The following NUP155 variants were observed in gnomAD, a reference collection of about 807,000 sequenced individuals.
NUP155 encodes nuclear pore complex protein Nup155.
NUP155 carries 71 observed loss-of-function variants against 180.4 expected under a neutral mutation model. The observed-to-expected ratio is 0.39, with a 90% CI of 0.33 to 0.48. NUP155 has a LOEUF of 0.48. Among genes scored for constraint, NUP155 ranks in the 20% least tolerant of loss-of-function variants. The pLI is 0.91. For synonymous variants in NUP155, 582 were observed against 559.5 expected, an observed-to-expected ratio of 1.04 and a Z score of -0.57; for missense variants, 1,553 against 1,648.9, an observed-to-expected ratio of 0.94 and a Z score of 1.01.
At chr5:37,367,055 T>A (rs1747636959) in intron 1 of NUP155, among the ~76,000 whole-genome samples, 1 of 151,788 alleles carries the variant, frequency 6.6e-6, no homozygotes, top group Non-Finnish European at 1.5e-5. Context: ...CTCTTTTTTT[T>A]TTTTTCCTGA....
chr5:37,310,798 TAATGA>T, intron 22 of NUP155, 55 bp from the exon 23 acceptor site: 1 of 1,310,196 alleles, frequency 7.6e-7, no homozygotes, highest in Non-Finnish European at 1.1e-6. Flanking sequence ...TTTCTAAACA[TAATGA>T]AATTATTTTA....
chr5:37,308,082 T>A (rs914152181), intron 24 of NUP155, among the ~76,000 whole-genome samples: 1 of 151,944 alleles, frequency 6.6e-6, no homozygotes, highest in African/African-American at 2.4e-5. Flanking sequence ...GTGCAAATAG[T>A]TATGGCCTTT....
intron 13 of NUP155, 135 bp from the exon 14 acceptor site, chr5:37,331,930 G>A: frequency 1.5e-6 from 1 of 663,984 alleles, no homozygotes. Context: ...GGCTGGGTAT[G>A]GTGGCCCACA....
At chr5:37,329,344 T>A in intron 15 of NUP155, 66 bp from the exon 16 acceptor site, 1 of 1,289,804 alleles carries the variant, frequency 7.8e-7, no homozygotes, top group Non-Finnish European at 1.1e-6. Flanking sequence ...AAACTGGAAT[T>A]GTTCCTTTTC....
chr5:37,306,518 AGTTCT>A (rs1282338233), intron 25 of NUP155, among the ~76,000 whole-genome samples: 2 of 152,142 alleles, frequency 1.3e-5, no homozygotes, highest in African/African-American at 4.8e-5. Context: ...CCCAGGCTGG[AGTTCT>A]GTGGTGCAAT....
chr5:37,327,429 G>A (rs1046727371), intron 18 of NUP155, among the ~76,000 whole-genome samples, 200 bp downstream of exon 18: 1 of 152,048 alleles, frequency 6.6e-6, no homozygotes, highest in Non-Finnish European at 1.5e-5. Flanking sequence ...GATTATGAGA[G>A]AGTAAGAGAA....
In NUP155 at chr5:37,302,845, A is replaced by G. The variant is rs974370443; in HGVS notation, c.3381T>C (p.Ser1127=). 1.9e-6 allele frequency: 3 copies of G among 1,613,940 alleles called. No individual in the cohort carries two copies. In the African/African-American group the frequency reaches 4.0e-5, roughly 22 times the overall value. The change falls in exon 29 of 35, where the codon AGT becomes AGC. Residue 1127 remains serine, a synonymous_variant. Coordinates refer to ENST00000231498, the MANE Select transcript of NUP155 (RefSeq NM_153485.3). ...CAGCTATTGATGAAATGGCAGTGGA[A>G]CTTTTGGCACTAAGAATGGCTCGAG... The part of the protein sequence containing the change: ...YIARAILSAK[S]STAISSIAAD...
In NUP155 at chr5:37,314,239, AAAG is replaced by A. The variant is rs2150952107; in HGVS notation, c.2392_2394del (p.Leu798del). The A allele has an allele frequency of 6.2e-7, 1 of 1,611,020 alleles. No individual in the cohort carries two copies. Among genetic ancestry groups the A allele is most frequent in the Non-Finnish European group, 8.5e-7 (1 of 1,177,626 alleles). ...ACAATGATAGTGAATTGATGTTCAC[AAAG>A]AAGTTTCCATAAAGCCAGAGCCTGA... On this transcript the variant is annotated inframe_deletion, in exon 22 of 35. Transcript: ENST00000231498.
intron 5 of NUP155, 150 bp downstream of exon 5, chr5:37,352,587 C>T: frequency 1.5e-6 from 1 of 646,588 alleles, no homozygotes; most frequent in Non-Finnish European, 2.8e-6. Context: ...CCAATGTTAA[C>T]TTGTGGAAAA....
In NUP155 at chr5:37,310,545, A is replaced by G. The variant is rs764019442; in HGVS notation, c.2628+7T>C. On this transcript the variant is annotated splice_region_variant and intron_variant, in intron 23 of 34. Transcript: ENST00000231498. ...CAAACAATGAAATAGGTAATAAAGT[A>G]TCATACCTTAGAACAAATTGCATCA... 1.9e-6 allele frequency: 3 copies of G among 1,605,188 alleles called. No homozygotes were observed. The highest frequency in any genetic ancestry group is 2.6e-6 in the Non-Finnish European group (3 of 1,172,204).
At position 37,337,901 on chromosome 5, in the gene NUP155, C is replaced by A. The variant is rs754992704; in HGVS notation, c.1264G>T (p.Ala422Ser). The A allele has an allele frequency of 6.2e-7, 1 of 1,603,926 alleles. No individual in the cohort carries two copies. Among genetic ancestry groups the A allele is most frequent in the Non-Finnish European group, 8.5e-7 (1 of 1,172,492 alleles). ...ATATCATTATCCTCATTTTCTGAGG[C>A]TGCCATCAATAGAATACCTAAAAGT... ...LYSKGILLMA[A>S]SENEDNDILW... is the part of the protein sequence containing the mutation. Residue 422 changes from alanine (A) to serine (S), a missense_variant, in exon 12 of 35, where the codon GCC (alanine) becomes TCC (serine). Ala to Ser is a moderately conservative substitution (Grantham distance 99, BLOSUM62 1). Transcript: ENST00000231498.
At chr5:37,310,156 A>T (rs916618863) in intron 23 of NUP155, among the ~76,000 whole-genome samples, 7 of 152,054 alleles carry the variant, frequency 4.6e-5, no homozygotes, top group African/African-American at 1.7e-4. Flanking sequence ...CTGTGCAACA[A>T]ATCAGAACTT....
chr5:37,360,060 G>A lies in NUP155; in HGVS notation c.393-1909C>T, dbSNP rs1055207721. Among the ~76,000 whole-genome samples the A allele has an allele frequency of 2.0e-5, 3 of 152,126 alleles. No individual in the cohort carries two copies. In the South Asian group the frequency reaches 6.2e-4, roughly 32 times the overall value. On this transcript the variant is annotated intron_variant, in intron 3 of 34. Transcript: ENST00000231498. ...TTGAACCTGGGAGGTGGAGGTTGCA[G>A]TGAGGCAAGATGATACCACTGCACT...
intron 24 of NUP155, among the ~76,000 whole-genome samples, chr5:37,308,748 C>T (rs1255765343): frequency 2.0e-5 from 3 of 150,712 alleles, no homozygotes; most frequent in Non-Finnish European, 3.0e-5. Context: ...GGCGTGGTGG[C>T]GTGCGCCTGT....
rs550522714 is a variant in NUP155, at chr5:37,307,794, C to T, written c.2768-362G>A. ...AAAATTAGCTGGGCCTGGTGGCATG[C>T]GCCTGTAATCCCAGCTACTCAAAAG... On this transcript the variant is annotated intron_variant, in intron 24 of 34. Transcript: ENST00000231498. Among the ~76,000 whole-genome samples, 9 of 151,742 alleles carry T rather than the reference C, an allele frequency of 5.9e-5. No homozygotes were observed. The East Asian group carries it at 1.6e-3, about 26-fold the overall frequency.
At chr5:37,310,828 C>T in intron 22 of NUP155, 85 bp from the exon 23 acceptor site, 2 of 1,098,680 alleles carry the variant, frequency 1.8e-6, no homozygotes, top group Non-Finnish European at 1.3e-6. Flanking sequence ...ATTAAAATAA[C>T]CTAAATATTA....
intron 32 of NUP155, 66 bp downstream of exon 32, chr5:37,298,802 G>A: frequency 1.2e-6 from 1 of 842,818 alleles, no homozygotes. Flanking sequence ...ATCGTTATTT[G>A]TCCATATCAA....
At chr5:37,336,872 T>C (rs1310833402) in intron 12 of NUP155, among the ~76,000 whole-genome samples, 1 of 152,224 alleles carries the variant, frequency 6.6e-6, no homozygotes, top group African/African-American at 2.4e-5. Context: ...CAGTCCCATC[T>C]GGAAGGGTTC....
At chr5:37,316,263 G>C (rs1018817392) in intron 21 of NUP155, among the ~76,000 whole-genome samples, 1 of 152,194 alleles carries the variant, frequency 6.6e-6, no homozygotes, top group Non-Finnish European at 1.5e-5. Context: ...AGGAAATTCT[G>C]ACACGTTACA....
Sources: gnomAD v4.1 joint callset for allele counts (sites outside exome capture counted in the v4.1 genomes callset) on GRCh38, gnomAD v4.1.1 for gene constraint, MANE v1.5 for transcripts, NCBI Gene and HGNC (gene_info 2026-07-23, HGNC 2026-07-21) for gene names.